Variants in EXOC2 observed in about 807,000 individuals in gnomAD.
EXOC2 encodes exocyst complex component 2.
A neutral mutation model predicts 131.8 loss-of-function variants in EXOC2; 70 were observed. That is an observed-to-expected ratio of 0.53 (90% CI 0.44 to 0.65). The LOEUF is 0.65. Ranked by LOEUF, EXOC2 falls within the 30% of genes least tolerant of loss-of-function variation. The pLI is 0.00. For missense variants in EXOC2, 923 were observed against 1,108.6 expected (o/e 0.83, Z 2.38); for synonymous variants, 411 against 398.4 (o/e 1.03, Z -0.38).
At chr6:491,249 A>C in intron 25 of EXOC2, 63 bp from the exon 26 acceptor site, 1 of 1,560,362 alleles carries the variant, frequency 6.4e-7, no homozygotes, top group Non-Finnish European at 8.8e-7. Flanking sequence ...ATAAACAAGT[A>C]CTAAGGTTAA....
intron 23 of EXOC2, among the ~76,000 whole-genome samples, chr6:501,965 C>T (rs570513339): frequency 6.6e-6 from 1 of 152,082 alleles, no homozygotes; most frequent in African/African-American, 2.4e-5. Context: ...AGGCTTTCTT[C>T]CCGCAGGAGG....
At chr6:576,139 T>G (rs944213556) in intron 12 of EXOC2, among the ~76,000 whole-genome samples, 1 of 152,218 alleles carries the variant, frequency 6.6e-6, no homozygotes, top group Non-Finnish European at 1.5e-5. Context: ...ATTAGTCTAT[T>G]TGGGTTTCTT....
intron 11 of EXOC2, among the ~76,000 whole-genome samples, chr6:581,164 C>T (rs921122534): frequency 1.3e-5 from 2 of 152,038 alleles, no homozygotes; most frequent in Admixed American, 1.3e-4. Context: ...AGCGCGGTGG[C>T]ACATGCCTGT....
intron 23 of EXOC2, among the ~76,000 whole-genome samples, chr6:515,165 A>C (rs1366977277): frequency 6.6e-6 from 1 of 152,148 alleles, no homozygotes; most frequent in African/African-American, 2.4e-5. Context: ...TTTTCAGCTG[A>C]GCTCTAAGAA....
chr6:638,789 C>T (rs753532636), intron 1 of EXOC2, among the ~76,000 whole-genome samples: 3 of 151,988 alleles, frequency 2.0e-5, no homozygotes, highest in Non-Finnish European at 2.9e-5. Context: ...AATTAGCCGA[C>T]GTGGTGGTGC....
chr6:672,168 G>A (rs186218407), intron 1 of EXOC2, among the ~76,000 whole-genome samples: 3 of 151,920 alleles, frequency 2.0e-5, no homozygotes, highest in Admixed American at 2.0e-4. Flanking sequence ...CTCTATTGAT[G>A]TTTCTTCCAG....
At chr6:599,867 TC>T (rs1238008712) in intron 7 of EXOC2, among the ~76,000 whole-genome samples, 1 of 151,762 alleles carries the variant, frequency 6.6e-6, no homozygotes, top group African/African-American at 2.4e-5. Flanking sequence ...TTTTTTTTTT[TC>T]ACCTAAAAGA....
intron 11 of EXOC2, among the ~76,000 whole-genome samples, chr6:577,822 T>C (rs1369793433): frequency 6.6e-6 from 1 of 152,188 alleles, no homozygotes; most frequent in African/African-American, 2.4e-5. Context: ...CCTCACTCAG[T>C]TTTTCTTCTT....
chr6:492,122 A>G (rs1229247486), intron 25 of EXOC2, among the ~76,000 whole-genome samples: 2 of 152,250 alleles, frequency 1.3e-5, no homozygotes, highest in Non-Finnish European at 2.9e-5. Context: ...AAGTATAAAC[A>G]ACAAAACAGA....
At chr6:620,080 A>C (rs899787623) in intron 4 of EXOC2, among the ~76,000 whole-genome samples, 1 of 152,252 alleles carries the variant, frequency 6.6e-6, no homozygotes, top group Non-Finnish European at 1.5e-5. Context: ...GACTTTAAGA[A>C]AAGCTTGTGA....
At chr6:507,137 TACACAC>T (rs551491811) in intron 23 of EXOC2, among the ~76,000 whole-genome samples, 1 of 45,014 alleles carries the variant, frequency 2.2e-5, no homozygotes, top group East Asian at 7.3e-4. Context: ...CACACACACA[TACACAC>T]ACACACACAA....
chr6:644,648 A>T (rs1457516997), intron 1 of EXOC2, among the ~76,000 whole-genome samples: 1 of 152,172 alleles, frequency 6.6e-6, no homozygotes, highest in African/African-American at 2.4e-5. Context: ...GAATTTAGCA[A>T]AGACTTAGTA....
intron 22 of EXOC2, among the ~76,000 whole-genome samples, chr6:543,260 T>C (rs1378078171): frequency 1.3e-5 from 2 of 152,212 alleles, no homozygotes; most frequent in African/African-American, 4.8e-5. Flanking sequence ...GTGGTGCATA[T>C]ACACAATAGA....
intron 22 of EXOC2, among the ~76,000 whole-genome samples, chr6:537,231 A>AGTT (rs1288920190): frequency 1.3e-5 from 2 of 150,488 alleles, no homozygotes; most frequent in Admixed American, 1.3e-4. Flanking sequence ...CGCACACACG[A>AGTT]GATGACGGCC....
chr6:592,345 C>T, intron 11 of EXOC2, 124 bp downstream of exon 11: 1 of 820,910 alleles, frequency 1.2e-6, no homozygotes, highest in East Asian at 2.6e-5. Flanking sequence ...ACAAAACAAG[C>T]AAAAGACAAT....
chr6:689,779 C>G (rs1764831278), intron 1 of EXOC2, among the ~76,000 whole-genome samples: 1 of 152,182 alleles, frequency 6.6e-6, no homozygotes, highest in Non-Finnish European at 1.5e-5. Context: ...TAGTCTTTTA[C>G]TGGTGTATGT....
At chr6:487,053 T>C (rs1429205813) in intron 27 of EXOC2, among the ~76,000 whole-genome samples, 3 of 152,242 alleles carry the variant, frequency 2.0e-5, no homozygotes, top group Non-Finnish European at 4.4e-5. Flanking sequence ...GCCTATTCTT[T>C]TTTAGAAATT....
intron 7 of EXOC2, among the ~76,000 whole-genome samples, chr6:603,618 T>G (rs769376345): frequency 1.3e-5 from 2 of 152,204 alleles, no homozygotes; most frequent in East Asian, 3.8e-4. Context: ...TTCTTCTTTT[T>G]TTTTTTGAAT....
chr6:579,077 T>C (rs1315283179), intron 11 of EXOC2, among the ~76,000 whole-genome samples: 5 of 152,158 alleles, frequency 3.3e-5, no homozygotes, highest in Non-Finnish European at 5.9e-5. Flanking sequence ...AACTGTTACA[T>C]TTCACTTACT....
Sources: gnomAD v4.1 joint callset for allele counts (sites outside exome capture counted in the v4.1 genomes callset) on GRCh38, gnomAD v4.1.1 for gene constraint, MANE v1.5 for transcripts, NCBI Gene and HGNC (gene_info 2026-07-23, HGNC 2026-07-21) for gene names.